The following CRBN variants were observed in gnomAD, a reference collection of about 807,000 sequenced individuals.
CRBN encodes cereblon.
In CRBN, 53 loss-of-function variants were observed where a neutral mutation model predicts 62.2. That is an observed-to-expected ratio of 0.85 (90% CI 0.68 to 1.07). CRBN has a LOEUF of 1.07. CRBN is among the 50% of genes least tolerant of loss of function. The pLI is 0.00. For synonymous variants in CRBN, 208 were observed against 176.1 expected (o/e 1.18, Z -1.43); for missense variants, 616 against 531.1 (o/e 1.16, Z -1.57).
chr3:3,156,606 TA>T, intron 5 of CRBN: 1 of 324,726 alleles, frequency 3.1e-6, no homozygotes, highest in Non-Finnish European at 5.7e-6. Flanking sequence ...TAGTTGCCTT[TA>T]TACTAATTAC....
intron 6 of CRBN, 173 bp downstream of exon 6, chr3:3,156,046 C>G (rs1706878003): frequency 3.3e-6 from 2 of 615,010 alleles, no homozygotes; most frequent in Non-Finnish European, 5.8e-6. Flanking sequence ...TCAAGCAATC[C>G]CCCTGCCTTG....
intron 1 of CRBN, among the ~76,000 whole-genome samples, chr3:3,175,712 C>T (rs1707803181): frequency 3.9e-5 from 6 of 152,132 alleles, no homozygotes; most frequent in African/African-American, 1.2e-4. Flanking sequence ...GGTCCCCCTA[C>T]CCTCCTCTGG....
Position 3,150,594 on chromosome 3 carries a change from C to T in CRBN, c.*271G>A, listed in dbSNP as rs2126046379. 4 of 359,476 alleles carry T rather than the reference C, an allele frequency of 1.1e-5. No individual in the cohort carries two copies. The highest frequency in any genetic ancestry group is 2.8e-5 in the South Asian group (1 of 35,986). The allele number at this position is 359,476 out of a possible 1,614,324, so 22.3% of individuals were successfully genotyped here. A position where few individuals can be genotyped will look rare whatever the true frequency, so the allele number is the denominator to read the frequency against. On this transcript the variant is annotated 3_prime_UTR_variant, in exon 11 of 11. Coordinates refer to ENST00000231948, the MANE Select transcript of CRBN (RefSeq NM_016302.4). ...TTCATGTCCCATCAATGACATGCTACCAGACATATCAGATTCCACAGGATA... is the reference window on the plus strand; with the variant it reads ...TTCATGTCCCATCAATGACATGCTATCAGACATATCAGATTCCACAGGATA...
At chr3:3,156,528 C>T (rs1559245114) in intron 5 of CRBN, 2 of 514,996 alleles carry the variant, frequency 3.9e-6, no homozygotes, top group African/African-American at 3.8e-5. Context: ...ATTAAAATTT[C>T]AATGCTGAAG....
At chr3:3,175,338 C>T (rs1707791886) in intron 1 of CRBN, 69 bp from the exon 2 acceptor site, 2 of 1,165,906 alleles carry the variant, frequency 1.7e-6, no homozygotes, top group Middle Eastern at 2.0e-4. Flanking sequence ...GTAATTCCTT[C>T]TTCAAAAGAG....
chr3:3,154,274 CT>C, intron 7 of CRBN, 199 bp from the exon 8 acceptor site: 6 of 569,286 alleles, frequency 1.1e-5, no homozygotes, highest in Middle Eastern at 4.7e-4. Context: ...TTTTCTTATA[CT>C]TTTTTTGGTA....
intron 5 of CRBN, 135 bp downstream of exon 5, chr3:3,167,499 G>A (rs1707395705): frequency 2.4e-6 from 2 of 842,086 alleles, no homozygotes; most frequent in Admixed American, 2.5e-5. Flanking sequence ...ATTTTTAGAG[G>A]ATCAAATGTA....
At chr3:3,154,235 C>T (rs1706775676) in intron 7 of CRBN, 160 bp from the exon 8 acceptor site, 1 of 615,070 alleles carries the variant, frequency 1.6e-6, no homozygotes, top group South Asian at 1.9e-5. Flanking sequence ...GTCAAAGATA[C>T]ACTTTTCAGA....
rs1706423685 is a variant in CRBN at position 3,150,292 on chromosome 3, T to TTTAACTAATTTTCAAAA, written c.*556_*572dup. ...TTCGTGGGCTCAAAAAACTGCATAT[T>TTTAACTAATTTTCAAAA]TTAACTAATTTTCAAAATTTACAAA... On this transcript the variant is annotated 3_prime_UTR_variant, in exon 11 of 11. Coordinates refer to ENST00000231948, the MANE Select transcript of CRBN (RefSeq NM_016302.4). 6.5e-6 allele frequency: 1 copy of TTTAACTAATTTTCAAAA among 152,730 alleles called. No individual in the cohort carries two copies. The highest frequency in any genetic ancestry group is 1.5e-5 in the Non-Finnish European group (1 of 68,434). 9.5% of individuals were successfully genotyped at this position (152,730 alleles called of 1,614,324 possible). A position where few individuals can be genotyped will look rare whatever the true frequency, so the allele number is the denominator to read the frequency against.
chr3:3,161,108 A>C (rs1707121365), intron 5 of CRBN, among the ~76,000 whole-genome samples: 1 of 152,218 alleles, frequency 6.6e-6, no homozygotes, highest in African/African-American at 2.4e-5. Flanking sequence ...TAAAAATTAA[A>C]CTATGTAAGA....
intron 1 of CRBN, among the ~76,000 whole-genome samples, chr3:3,177,074 TA>T (rs926427025): frequency 5.3e-5 from 8 of 152,248 alleles, no homozygotes; most frequent in Middle Eastern, 3.4e-3. Flanking sequence ...GGGATGCAGC[TA>T]AATATCCTAC....
chr3:3,152,159 T>TTTC (rs78418016), intron 10 of CRBN, among the ~76,000 whole-genome samples: 6,003 of 150,810 alleles, frequency 0.04, 248 homozygotes, highest in African/African-American at 0.11. Context: ...AATTTTTTTT[T>TTTC]TTTTTTAAAT....
At chr3:3,154,721 C>T in intron 7 of CRBN, 26 bp downstream of exon 7, 4 of 1,270,440 alleles carry the variant, frequency 3.1e-6, no homozygotes, top group Non-Finnish European at 4.6e-6. Flanking sequence ...ATCCCAGGCT[C>T]CAGGCAGGAA....
At chr3:3,158,169 C>T (rs957536865) in intron 5 of CRBN, among the ~76,000 whole-genome samples, 1 of 152,210 alleles carries the variant, frequency 6.6e-6, no homozygotes, top group African/African-American at 2.4e-5. Flanking sequence ...AAGTGCATTA[C>T]ATTTATCATT....
chr3:3,176,360 A>C (rs759104156), intron 1 of CRBN, among the ~76,000 whole-genome samples: 22 of 152,236 alleles, frequency 1.4e-4, no homozygotes, highest in Non-Finnish European at 3.1e-4. Flanking sequence ...CTGTTAATTA[A>C]AACTGAGAGA....
intron 5 of CRBN, among the ~76,000 whole-genome samples, chr3:3,162,614 T>G (rs1672763): frequency 6.6e-6 from 1 of 152,132 alleles, no homozygotes; most frequent in Non-Finnish European, 1.5e-5. Flanking sequence ...GTCATTTGAG[T>G]TGTTTAGGTT....
In CRBN at chr3:3,174,104, C is replaced by T. The variant is rs151127854; in HGVS notation, c.332G>A (p.Arg111Gln). 2.0e-5 allele frequency: 32 copies of T among 1,613,998 alleles called. No homozygotes were observed. Among genetic ancestry groups the T allele is most frequent in the African/African-American group, 2.7e-5 (2 of 74,890 alleles). Residue 111 changes from arginine to glutamine, a missense_variant, in exon 3 of 11, where the codon CGG (arginine) becomes CAG (glutamine). Transcript: ENST00000231948. ...LFHPQEVSMV[R>Q]NLIQKDRTFA... The stretch of plus-strand genomic sequence containing the variant: ...GGTTCTATCTTTCTGAATTAAATTC[C>T]GCACCATACTGACTTCTTGAGGGTG...
chr3:3,169,902 A>AC (rs1707528921), intron 4 of CRBN, among the ~76,000 whole-genome samples: 1 of 151,578 alleles, frequency 6.6e-6, no homozygotes, highest in Non-Finnish European at 1.5e-5. Flanking sequence ...TTATTAAAAA[A>AC]AAATTTCTAT....
In CRBN at chr3:3,150,680, T is replaced by G; in HGVS notation, c.*185A>C. 6 of 594,410 alleles carry G rather than the reference T, an allele frequency of 1.0e-5. No individual in the cohort carries two copies. The South Asian group carries it at 1.2e-4, about 12-fold the overall frequency. The allele number at this position is 594,410 out of a possible 1,614,324, so 36.8% of individuals were successfully genotyped here. On this transcript the variant is annotated 3_prime_UTR_variant, in exon 11 of 11. Transcript: ENST00000231948. ...TTCTAGACTGCCGTTCATGCTTGTT[T>G]CCTAAAGTATACTTAAAAGTTTCAA...
Sources: gnomAD v4.1 joint callset for allele counts (sites outside exome capture counted in the v4.1 genomes callset) on GRCh38, gnomAD v4.1.1 for gene constraint, MANE v1.5 for transcripts, NCBI Gene and HGNC (gene_info 2026-07-23, HGNC 2026-07-21) for gene names.